Variants in COL18A1 observed in about 807,000 individuals in gnomAD.
COL18A1 encodes the protein collagen alpha-1(XVIII) chain.
In COL18A1, 133 loss-of-function variants were observed where a neutral mutation model predicts 168.0. The ratio of observed to expected loss-of-function variants is 0.79; its 90% CI spans 0.69 to 0.91. The LOEUF (loss-of-function observed/expected upper bound fraction) is 0.91. Among genes scored for constraint, COL18A1 ranks in the 40% least tolerant of loss-of-function variants. COL18A1 has a pLI of 0.00. For synonymous variants in COL18A1, 949 were observed against 809.0 expected (o/e 1.17, Z -2.94); for missense variants, 2,126 against 1,925.4 (o/e 1.10, Z -1.95).
Position 45,434,454 on chromosome 21 carries a change from C to G in COL18A1, c.106+28981C>G, listed in dbSNP as rs75963615. ...TGAGACCTACTTTCCTTGCTCTCTC[C>G]GGGGGGGTTTGCAGCAGTTCTGAGC... On this transcript the variant is annotated intron_variant, in intron 2 of 41. Coordinates refer to ENST00000651438, the MANE Select transcript of COL18A1 (RefSeq NM_001379500.1). Among the ~76,000 whole-genome samples, 10 of 152,126 alleles carry G rather than the reference C, an allele frequency of 6.6e-5. No individual in the cohort carries two copies. The South Asian group carries it at 1.2e-3, about 19-fold the overall frequency.
Position 45,405,372 on chromosome 21 carries a change from CG to C in COL18A1, c.12-6del. The stretch of plus-strand genomic sequence containing the variant: ...TGCGGGGTCTGACCCGTGCCTGTCC[CG>C]CGCAGGTGCCCCTGGCCATGGCCGC... On this transcript the variant is annotated splice_polypyrimidine_tract_variant and splice_region_variant and intron_variant, in intron 1 of 41. Transcript: ENST00000651438. 8.0e-7 allele frequency: 1 copy of C among 1,257,068 alleles called. No individual in the cohort carries two copies. The highest frequency in any genetic ancestry group is 1.0e-6 in the Non-Finnish European group (1 of 1,002,380). 77.9% of individuals were successfully genotyped at this position (1,257,068 alleles called of 1,614,324 possible).
rs1378433209 is a variant in COL18A1, at chr21:45,504,453, G to A, written c.2765G>A (p.Gly922Asp). 1.9e-6 allele frequency: 3 copies of A among 1,611,408 alleles called. No homozygotes were observed. The highest frequency in any genetic ancestry group is 2.5e-6 in the Non-Finnish European group (3 of 1,179,338). ...GACCGAGGTGATGCAGGACAGAAAG[G>A]CGAAAGGGGGGAGCCCGGGGGCGGC... ...KGDRGDAGQK[G>D]ERGEPGGGGF... The change falls in exon 34 of 42, where the codon GGC (glycine) becomes GAC (aspartate). Residue 922 changes from glycine (G) to aspartate (D), a missense_variant. Coordinates refer to ENST00000651438, the MANE Select transcript of COL18A1 (RefSeq NM_001379500.1).
intron 2 of COL18A1, among the ~76,000 whole-genome samples, chr21:45,438,263 C>CAG (rs1491252408): frequency 4.5e-5 from 3 of 66,398 alleles, no homozygotes; most frequent in African/African-American, 8.1e-5. Flanking sequence ...CACACACACT[C>CAG]ACACTCAGAC....
rs2034421339 is a variant in COL18A1 at position 45,443,036 on chromosome 21, GGGCGGC to G, written c.107-25203_107-25198del. 7.4e-6 allele frequency among the ~76,000 whole-genome samples: 1 copy of G among 135,308 alleles called. No homozygotes were observed. The highest frequency in any genetic ancestry group is 7.3e-5 in the Admixed American group (1 of 13,754). The allele number at this position is 135,308 out of a possible 152,430, so 88.8% of individuals were successfully genotyped here. A position where few individuals can be genotyped will look rare whatever the true frequency, so the allele number is the denominator to read the frequency against. On this transcript the variant is annotated intron_variant, in intron 2 of 41. Transcript: ENST00000651438. This position sits in a 1 kb window ranked among gnomAD's most constrained non-coding sequence, Gnocchi z 5.2. ...ATGTGGGTGGTGGTGGTGCTGATGT[GGGCGGC>G]GGTGCTGGTGTGGGCGGTGGTGGTG...
rs373670175 is a variant in COL18A1 at position 45,480,100 on chromosome 21, C to T, written c.1342C>T (p.Pro448Ser). 1 of 1,608,886 alleles carries T rather than the reference C, an allele frequency of 6.2e-7. No individual in the cohort carries two copies. The highest frequency in any genetic ancestry group is 8.5e-7 in the Non-Finnish European group (1 of 1,175,608). ...CCCTGGGGTTGGAGAGAGAGGGCCC[C>T]CAGGACCCCAAGGGCCTCCAGGGCC... ...GDPGVGERGP[P>S]GPQGPPGPPG... The change falls in exon 11 of 42, where the codon CCA (proline) becomes TCA (serine). Residue 448 changes from proline to serine, a missense_variant. Pro to Ser is a moderately conservative substitution (Grantham distance 74). Transcript: ENST00000651438.
In COL18A1 at chr21:45,494,051, T is replaced by C. The variant is rs1049839481; in HGVS notation, c.2352+476T>C. 2.1e-5 allele frequency: 6 copies of C among 283,656 alleles called. No individual in the cohort carries two copies. The Admixed American group carries it at 2.9e-4, about 13-fold the overall frequency. 17.6% of individuals were successfully genotyped at this position (283,656 alleles called of 1,614,324 possible). A position where few individuals can be genotyped will look rare whatever the true frequency, so the allele number is the denominator to read the frequency against. Reference sequence around the variant, plus strand: ...CGCCCAGAAAAGCCCTCGGGGAGGGTCCTGGGGAGAAGCCTGGATCTTTGG... The same window carrying C: ...CGCCCAGAAAAGCCCTCGGGGAGGGCCCTGGGGAGAAGCCTGGATCTTTGG... On this transcript the variant is annotated intron_variant, in intron 26 of 41. Coordinates refer to ENST00000651438, the MANE Select transcript of COL18A1 (RefSeq NM_001379500.1).
At chr21:45,431,830 C>G (rs1361520939) in intron 2 of COL18A1, among the ~76,000 whole-genome samples, 1 of 152,140 alleles carries the variant, frequency 6.6e-6, no homozygotes, top group African/African-American at 2.4e-5. Context: ...AGCCCCTGCT[C>G]TCAGCTCCTC....
At chr21:45,493,100 G>A (rs2036413028) in intron 24 of COL18A1, 63 bp from the exon 25 acceptor site, 1 of 1,475,256 alleles carries the variant, frequency 6.8e-7, no homozygotes, top group Non-Finnish European at 9.3e-7. Context: ...GGGAGATGGA[G>A]CAGCCGTCGG....
At chr21:45,496,122 C>T (rs2036535978) in intron 29 of COL18A1, 1 of 403,460 alleles carries the variant, frequency 2.5e-6, no homozygotes, top group Non-Finnish European at 4.8e-6. Context: ...CCTCCAAGCC[C>T]TCCATGCTGG....
intron 2 of COL18A1, among the ~76,000 whole-genome samples, chr21:45,416,690 T>G (rs1321982825): frequency 6.6e-6 from 1 of 152,158 alleles, no homozygotes; most frequent in African/African-American, 2.4e-5. Context: ...TTAGTCAGAT[T>G]GGAGCTGCAT....
At position 45,509,479 on chromosome 21, in the gene COL18A1, C is replaced by T. The variant is rs764732885; in HGVS notation, c.3373C>T (p.Pro1125Ser). The T allele has an allele frequency of 2.4e-5, 37 of 1,527,844 alleles. No homozygotes were observed. The highest frequency in any genetic ancestry group is 3.2e-5 in the Non-Finnish European group (36 of 1,135,394). The allele number at this position is 1,527,844 out of a possible 1,614,324, so 94.6% of individuals were successfully genotyped here. A position where few individuals can be genotyped will look rare whatever the true frequency, so the allele number is the denominator to read the frequency against. Residue 1125 changes from proline to serine, a missense_variant, in exon 39 of 42, where the codon CCC becomes TCC. Coordinates refer to ENST00000651438, the MANE Select transcript of COL18A1 (RefSeq NM_001379500.1). ...GCGGGCAGATGACATCCTGGCCAGC[C>T]CCCCTCGCCTGCCCGAGCCCCAGCC... ...PWRADDILAS[P>S]PRLPEPQPYP...
chr21:45,419,941 G>T (rs1281765204), intron 2 of COL18A1: 2 of 152,300 alleles, frequency 1.3e-5, no homozygotes, highest in East Asian at 3.9e-4. Flanking sequence ...TGGCCCGGTG[G>T]ACGCAGGTAG....
intron 15 of COL18A1, among the ~76,000 whole-genome samples, chr21:45,483,651 A>C (rs1023918442): frequency 1.3e-5 from 2 of 151,546 alleles, no homozygotes; most frequent in Non-Finnish European, 2.9e-5. Flanking sequence ...CACTCGAATC[A>C]TGTCCAAAAC....
intron 2 of COL18A1, among the ~76,000 whole-genome samples, chr21:45,426,895 G>A (rs959403637): frequency 1.3e-5 from 2 of 152,192 alleles, no homozygotes; most frequent in Non-Finnish European, 2.9e-5. Flanking sequence ...GCTGCCTCTT[G>A]AACAGCAGGG....
chr21:45,505,509 C>G, intron 36 of COL18A1, 78 bp downstream of exon 36: 1 of 800,706 alleles, frequency 1.2e-6, no homozygotes, highest in Admixed American at 2.0e-5. Flanking sequence ...CTCAGAGACA[C>G]TCTCCCACGG....
chr21:45,495,720 GCACA>G (rs760276409), intron 29 of COL18A1: 18 of 334,482 alleles, frequency 5.4e-5, no homozygotes, highest in African/African-American at 2.5e-4. Context: ...ACACATACAC[GCACA>G]CACACATCCA....
chr21:45,507,627 T>C, intron 38 of COL18A1, 34 bp downstream of exon 38: 1 of 1,606,126 alleles, frequency 6.2e-7, no homozygotes, highest in Non-Finnish European at 8.5e-7. Flanking sequence ...GACTGGTGGG[T>C]GGTCAGGACA....
intron 8 of COL18A1, 79 bp from the exon 9 acceptor site, chr21:45,478,248 G>A (rs2035753667): frequency 6.3e-7 from 1 of 1,581,448 alleles, no homozygotes; most frequent in African/African-American, 1.3e-5. Flanking sequence ...TGGAGCGTGG[G>A]GTGCATTTCC....
chr21:45,505,036 T>C, intron 34 of COL18A1, 98 bp from the exon 35 acceptor site: 1 of 1,488,970 alleles, frequency 6.7e-7, no homozygotes, highest in Non-Finnish European at 9.1e-7. Flanking sequence ...GAGGCTGCGC[T>C]CGCCAAGGGG....
Sources: allele counts gnomAD v4.1 joint callset (sites outside exome capture counted in the v4.1 genomes callset), GRCh38; gene constraint gnomAD v4.1.1; non-coding constraint Gnocchi (gnomAD v3.1); transcripts MANE v1.5; gene names NCBI Gene and HGNC (gene_info 2026-07-23, HGNC 2026-07-21).